ANKRD42: variants seen among roughly 807,000 people sequenced by gnomAD.
ANKRD42 encodes ankyrin repeat domain-containing protein 42.
Under a neutral mutation model 51.5 loss-of-function variants are expected in ANKRD42, and 43 were observed. That is an observed-to-expected ratio of 0.83 (90% CI 0.65 to 1.08). The LOEUF is 1.08. Among genes scored for constraint, ANKRD42 ranks in the 50% least tolerant of loss-of-function variants. The pLI is 0.00. For synonymous variants in ANKRD42, 203 were observed against 213.0 expected (o/e 0.95, Z 0.41); for missense variants, 608 against 629.3 (o/e 0.97, Z 0.36).
downstream of ANKRD42, among the ~76,000 whole-genome samples, chr11:83,252,925 G>C (rs536695677): frequency 5.9e-5 from 9 of 152,244 alleles, 1 homozygote; most frequent in African/African-American, 1.9e-4. Flanking sequence ...CAGAGAGAGA[G>C]TTATGTAGCA....
chr11:83,261,984 T>C (rs1399487392), downstream of ANKRD42: 1 of 1,544,174 alleles, frequency 6.5e-7, no homozygotes, highest in East Asian at 2.3e-5. Context: ...AAGAAGAAAC[T>C]GTGTTATAGG....
intron 7 of ANKRD42, among the ~76,000 whole-genome samples, chr11:83,232,479 A>T (rs1383233614): frequency 6.6e-6 from 1 of 152,156 alleles, no homozygotes; most frequent in Non-Finnish European, 1.5e-5. Context: ...TATCAATTCT[A>T]ATAGGTTTTT....
chr11:83,203,091 A>G (rs1861934695), intron 2 of ANKRD42, among the ~76,000 whole-genome samples: 1 of 150,770 alleles, frequency 6.6e-6, no homozygotes, highest in Non-Finnish European at 1.5e-5. Context: ...TCCCAGGTTC[A>G]AGCAGCTCTC....
At chr11:83,255,551 G>A (rs895783952) in intron 11 of ANKRD42, among the ~76,000 whole-genome samples, 1 of 152,122 alleles carries the variant, frequency 6.6e-6, no homozygotes, top group Non-Finnish European at 1.5e-5. Flanking sequence ...AAAACTTAAT[G>A]AGATAAGACG....
downstream of ANKRD42, among the ~76,000 whole-genome samples, chr11:83,249,727 G>A (rs148505885): frequency 3.6e-3 from 546 of 151,760 alleles, 5 homozygotes; most frequent in Non-Finnish European, 6.5e-3. Context: ...TTGCATTCTT[G>A]CTTTAGGTTA....
At chr11:83,197,577 G>A (rs997573681) in intron 1 of ANKRD42, among the ~76,000 whole-genome samples, 1 of 152,220 alleles carries the variant, frequency 6.6e-6, no homozygotes, top group African/African-American at 2.4e-5. Context: ...TGCCAGATGT[G>A]TTGGTGAGCT....
At chr11:83,213,640 A>T (rs1862413661) in intron 5 of ANKRD42, 4 of 900,004 alleles carry the variant, frequency 4.4e-6, no homozygotes, top group African/African-American at 3.6e-5. Flanking sequence ...AAGATGTTGA[A>T]CATCATTTCG....
downstream of ANKRD42, among the ~76,000 whole-genome samples, chr11:83,258,690 T>C (rs920336149): frequency 3.3e-5 from 5 of 152,216 alleles, no homozygotes; most frequent in Admixed American, 3.3e-4. Flanking sequence ...TAGCAATCAG[T>C]AGTTTCAGTG....
chr11:83,216,697 T>C (rs1323161933), intron 5 of ANKRD42, among the ~76,000 whole-genome samples: 1 of 152,248 alleles, frequency 6.6e-6, no homozygotes, highest in Non-Finnish European at 1.5e-5. Context: ...GGAAAGGCTT[T>C]CTGTCTTCTT....
At chr11:83,223,593 G>A (rs755659395) in intron 5 of ANKRD42, among the ~76,000 whole-genome samples, 10 of 152,032 alleles carry the variant, frequency 6.6e-5, no homozygotes, top group Admixed American at 1.3e-4. Context: ...TGTGTGAGGA[G>A]GCTAAGGAGC....
intron 2 of ANKRD42, among the ~76,000 whole-genome samples, chr11:83,200,097 T>C (rs145770288): frequency 0.02 from 3,018 of 152,138 alleles, 94 homozygotes; most frequent in African/African-American, 0.069. Context: ...TCTTTGCTTT[T>C]GGGTGATTTT....
intron 7 of ANKRD42, among the ~76,000 whole-genome samples, chr11:83,233,505 T>G (rs1863141746): frequency 6.6e-6 from 1 of 152,170 alleles, no homozygotes; most frequent in African/African-American, 2.4e-5. Context: ...GGTTTGTCCA[T>G]TTTGTTTAAC....
At chr11:83,217,369 G>C (rs1862573558) in intron 5 of ANKRD42, among the ~76,000 whole-genome samples, 1 of 152,168 alleles carries the variant, frequency 6.6e-6, no homozygotes, top group African/African-American at 2.4e-5. Context: ...ATAAGGGTGT[G>C]GGACTTTTGG....
intron 5 of ANKRD42, chr11:83,213,688 T>C (rs190591107): frequency 3.1e-5 from 14 of 457,058 alleles, no homozygotes; most frequent in African/African-American, 2.3e-4. Context: ...GTGTGTGTGA[T>C]GTACTAGTTC....
intron 7 of ANKRD42, 49 bp downstream of exon 7, chr11:83,227,921 A>G (rs1862941057): frequency 6.5e-7 from 1 of 1,538,170 alleles, no homozygotes; most frequent in African/African-American, 1.4e-5. Flanking sequence ...CTGCTGAGTT[A>G]TTCATCTTTT....
intron 3 of ANKRD42, chr11:83,209,881 G>T (rs953618776): frequency 6.6e-6 from 3 of 454,080 alleles, no homozygotes; most frequent in African/African-American, 6.0e-5. Context: ...CAGAAGCCAC[G>T]ATGTTGTCTG....
In ANKRD42 at chr11:83,209,604, TC is replaced by T. The variant is rs542099018; in HGVS notation, c.331-694del. Reference sequence around the variant, plus strand: ...GAACCAGAACCTCACATATTGCTGTTCCGGTGCCCACTACCCAAGAAGCCAA... The same window carrying T: ...GAACCAGAACCTCACATATTGCTGTTCGGTGCCCACTACCCAAGAAGCCAA... On this transcript the variant is annotated intron_variant, in intron 3 of 10. Coordinates refer to ENST00000533342, the MANE Select transcript of ANKRD42 (RefSeq NM_001300975.2). The T allele has an allele frequency of 3.6e-4, 319 of 878,408 alleles. 1 individual carries two copies. The African/African-American group carries it at 4.8e-3, about 13-fold the overall frequency. The allele number at this position is 878,408 out of a possible 1,614,324, so 54.4% of individuals were successfully genotyped here.
intron 3 of ANKRD42, among the ~76,000 whole-genome samples, chr11:83,207,464 GA>G (rs1373237391): frequency 6.6e-6 from 1 of 152,204 alleles, no homozygotes; most frequent in African/African-American, 2.4e-5. Context: ...TGTAATTTAG[GA>G]GGAGGTAGAG....
At chr11:83,220,212 G>A (rs1862675818) in intron 5 of ANKRD42, among the ~76,000 whole-genome samples, 1 of 152,178 alleles carries the variant, frequency 6.6e-6, no homozygotes, top group Admixed American at 6.5e-5. Context: ...ACTGGTTCCA[G>A]GCCAACTAAA....
Sources: allele counts gnomAD v4.1 joint callset (sites outside exome capture counted in the v4.1 genomes callset), GRCh38; gene constraint gnomAD v4.1.1; transcripts MANE v1.5; gene names NCBI Gene and HGNC (gene_info 2026-07-23, HGNC 2026-07-21).